GARNL3: variants seen among roughly 807,000 people sequenced by gnomAD.
GARNL3 encodes GTPase-activating Rap/Ran-GAP domain-like protein 3.
A neutral mutation model predicts 125.0 loss-of-function variants in GARNL3; 63 were observed. The ratio of observed to expected loss-of-function variants is 0.50; its 90% CI spans 0.41 to 0.62. The LOEUF (loss-of-function observed/expected upper bound fraction) is 0.62. GARNL3 is among the 20% of genes least tolerant of loss of function. The probability of loss-of-function intolerance (pLI) is 0.00; values close to 1 mark genes in which losing one functional copy is unlikely to be tolerated. For synonymous variants in GARNL3, 439 were observed against 457.5 expected (o/e 0.96, Z 0.52); for missense variants, 994 against 1,244.0 (o/e 0.80, Z 3.02).
In GARNL3 at chr9:127,280,043, A is replaced by C. The variant is rs968538733; in HGVS notation, c.145-11125A>C. Among the ~76,000 whole-genome samples, 3 of 152,324 alleles carry C rather than the reference A, an allele frequency of 2.0e-5. No homozygotes were observed. The highest frequency in any genetic ancestry group is 7.2e-5 in the African/African-American group (3 of 41,570). On this transcript the variant is annotated intron_variant, in intron 1 of 27. Transcript: ENST00000373387. This position sits in a 1 kb window ranked among gnomAD's most constrained non-coding sequence, Gnocchi z 4.5. Reference sequence around the variant, plus strand: ...GTACCAGCGGCTCTAGAATTTATACATAACAGGGGCTTAGGAACTACCAGT... The same window carrying C: ...GTACCAGCGGCTCTAGAATTTATACCTAACAGGGGCTTAGGAACTACCAGT...
rs1832689562 is a variant in GARNL3, at chr9:127,388,950, C to T, written c.2574C>T (p.Leu858=). 3.1e-6 allele frequency: 5 copies of T among 1,612,908 alleles called. No individual in the cohort carries two copies. The highest frequency in any genetic ancestry group is 1.3e-5 in the African/African-American group (1 of 74,908). ...KNLYKIPLRN[L]VGRSIERPLK... ...TGTACAAGATTCCACTTAGAAACCT[C>T]GTGGGCAGAAGCATCGAACGACCTC... Residue 858 remains leucine (L), a synonymous_variant, in exon 26 of 28, where the codon CTC becomes CTT. Coordinates refer to ENST00000373387, the MANE Select transcript of GARNL3 (RefSeq NM_032293.5).
rs556418094 is a variant in GARNL3, at chr9:127,335,067, G to A, written c.770-163G>A. Among the ~76,000 whole-genome samples, 135 of 152,200 alleles carry A rather than the reference G, an allele frequency of 8.9e-4. 1 individual carries two copies. Among genetic ancestry groups the A allele is most frequent in the Non-Finnish European group, 1.7e-3 (119 of 68,034 alleles). ...GAGAGAGGAAGAGGCCTTTCCATGT[G>A]GGGGGTTGCATCAAGTGGAGGGTTG... On this transcript the variant is annotated intron_variant, in intron 9 of 27. Coordinates refer to ENST00000373387, the MANE Select transcript of GARNL3 (RefSeq NM_032293.5).
At chr9:127,335,398 C>A in intron 10 of GARNL3, 65 bp downstream of exon 10, 2 of 1,261,536 alleles carry the variant, frequency 1.6e-6, no homozygotes, top group South Asian at 1.2e-5. Flanking sequence ...ATTATGATTC[C>A]ATAGAATTAG....
At chr9:127,365,501 A>G (rs1381959983) in intron 22 of GARNL3, 135 bp downstream of exon 22, 2 of 745,730 alleles carry the variant, frequency 2.7e-6, no homozygotes, top group Non-Finnish European at 4.7e-6. Flanking sequence ...CCAGGAAGGA[A>G]CTGAAAAATA....
chr9:127,323,768 T>C (rs1368786605), intron 6 of GARNL3, among the ~76,000 whole-genome samples: 1 of 151,522 alleles, frequency 6.6e-6, no homozygotes, highest in Non-Finnish European at 1.5e-5. Context: ...CATAAATATA[T>C]ATATATACAC....
At chr9:127,291,062 G>T in intron 1 of GARNL3, 106 bp from the exon 2 acceptor site, 1 of 1,130,456 alleles carries the variant, frequency 8.8e-7, no homozygotes, top group East Asian at 2.4e-5. Flanking sequence ...TTCTAGGCTG[G>T]GCACTCCAGC....
chr9:127,337,928 G>A (rs2131593405), intron 11 of GARNL3, among the ~76,000 whole-genome samples, 188 bp from the exon 12 acceptor site: 1 of 152,272 alleles, frequency 6.6e-6, no homozygotes. Flanking sequence ...TACTCATGGT[G>A]CCCTCACATA....
chr9:127,297,224 G>A (rs2064628375), intron 2 of GARNL3, among the ~76,000 whole-genome samples: 2 of 151,880 alleles, frequency 1.3e-5, no homozygotes, highest in South Asian at 2.1e-4. Context: ...ATGAAGCCTC[G>A]ACCTCCATGG....
intron 1 of GARNL3, among the ~76,000 whole-genome samples, chr9:127,227,565 C>G (rs2062934915): frequency 6.6e-6 from 1 of 151,772 alleles, no homozygotes; most frequent in Non-Finnish European, 1.5e-5. Flanking sequence ...TGTGCCACTG[C>G]ACTCCAGCCT....
At chr9:127,271,457 T>TC (rs996591440) in intron 1 of GARNL3, among the ~76,000 whole-genome samples, 2 of 150,068 alleles carry the variant, frequency 1.3e-5, no homozygotes, top group Non-Finnish European at 2.9e-5. Flanking sequence ...CCTCTTTGAT[T>TC]CCCCCCTCAA....
intron 1 of GARNL3, among the ~76,000 whole-genome samples, chr9:127,232,127 C>T (rs1260612949): frequency 1.3e-5 from 2 of 152,162 alleles, no homozygotes; most frequent in Non-Finnish European, 2.9e-5. Flanking sequence ...GAAGTCAAAG[C>T]TTGCCTCATT....
chr9:127,362,180 C>G (rs990984416), intron 21 of GARNL3: 1 of 151,416 alleles, frequency 6.6e-6, no homozygotes, highest in Admixed American at 6.6e-5. Context: ...AAGCGATTCT[C>G]CTGCCTCAGC....
At chr9:127,302,242 G>A (rs1331513769) in intron 2 of GARNL3, among the ~76,000 whole-genome samples, 5 of 152,006 alleles carry the variant, frequency 3.3e-5, no homozygotes, top group South Asian at 4.1e-4. Context: ...GCGCTCGGCC[G>A]GGAGAACTGT....
chr9:127,393,491 T>C lies in GARNL3; in HGVS notation c.*237T>C, dbSNP rs182058429. The C allele has an allele frequency of 5.2e-5, 17 of 329,348 alleles. No homozygotes were observed. Among genetic ancestry groups the C allele is most frequent in the Middle Eastern group, 8.2e-4 (1 of 1,214 alleles). The allele number at this position is 329,348 out of a possible 1,614,324, so 20.4% of individuals were successfully genotyped here. ...CTTGTAATAAAGGTGGTAGATTTCA[T>C]TGAGGTTTTAGATTGAAACTTTGAA... On this transcript the variant is annotated 3_prime_UTR_variant, in exon 28 of 28. Coordinates refer to ENST00000373387, the MANE Select transcript of GARNL3 (RefSeq NM_032293.5).
chr9:127,228,203 A>G (rs557675182), intron 1 of GARNL3, among the ~76,000 whole-genome samples: 1 of 152,356 alleles, frequency 6.6e-6, no homozygotes, highest in South Asian at 2.1e-4. Context: ...TTTATTGGAC[A>G]CATGTAGTTT....
At chr9:127,331,363 T>C (rs1829226455) in intron 7 of GARNL3, among the ~76,000 whole-genome samples, 1 of 151,894 alleles carries the variant, frequency 6.6e-6, no homozygotes. Context: ...CATGGTGGCA[T>C]ATGCTTGTAA....
chr9:127,242,781 A>T lies in GARNL3; in HGVS notation c.-28-298A>T, dbSNP rs1157230377. Among the ~76,000 whole-genome samples, 1 of 152,212 alleles carries T rather than the reference A, an allele frequency of 6.6e-6. No homozygotes were observed. The highest frequency in any genetic ancestry group is 2.4e-5 in the African/African-American group (1 of 41,446). ...TACCAAATTCATACTGCCTTTCTCTAAACAAGTTTGTGATTGTTCAAATGC... is the reference window on the plus strand; with the variant it reads ...TACCAAATTCATACTGCCTTTCTCTTAACAAGTTTGTGATTGTTCAAATGC... On this transcript the variant is annotated intron_variant, in intron 1 of 10. Transcript: ENST00000439286. The surrounding 1 kb of genome is among the most constrained non-coding windows in gnomAD (Gnocchi z 4.6).
At chr9:127,298,694 A>G (rs1380115709) in intron 2 of GARNL3, among the ~76,000 whole-genome samples, 1 of 152,178 alleles carries the variant, frequency 6.6e-6, no homozygotes, top group Non-Finnish European at 1.5e-5. Flanking sequence ...GAAGTGGCTT[A>G]CTGGTTCAAA....
At chr9:127,238,545 AC>A (rs1200335464) in intron 1 of GARNL3, among the ~76,000 whole-genome samples, 1 of 152,222 alleles carries the variant, frequency 6.6e-6, no homozygotes, top group Non-Finnish European at 1.5e-5. Flanking sequence ...GAAACCACAT[AC>A]ATACAAAAAC....
Sources: gnomAD v4.1 joint callset for allele counts (sites outside exome capture counted in the v4.1 genomes callset) on GRCh38, gnomAD v4.1.1 for gene constraint, Gnocchi (gnomAD v3.1) non-coding constraint, MANE v1.5 for transcripts, NCBI Gene and HGNC (gene_info 2026-07-23, HGNC 2026-07-21) for gene names.